Variants in AK8 observed in about 807,000 individuals in gnomAD.
AK8 encodes the protein ATP-AMP transphosphorylase 8.
AK8 carries 44 observed loss-of-function variants against 54.6 expected under a neutral mutation model. That is an observed-to-expected ratio of 0.81 (90% CI 0.63 to 1.04). The LOEUF is 1.04. AK8 is among the 50% of genes least tolerant of loss of function. The pLI, the probability that AK8 is intolerant of heterozygous loss-of-function variation, is 0.00. For missense variants in AK8, 555 were observed against 613.6 expected, an observed-to-expected ratio of 0.90 and a Z score of 1.01; for synonymous variants, 239 against 245.6, an observed-to-expected ratio of 0.97 and a Z score of 0.25.
intron 11 of AK8, among the ~76,000 whole-genome samples, chr9:132,758,930 G>A (rs1350982355): frequency 6.6e-6 from 1 of 152,034 alleles, no homozygotes; most frequent in East Asian, 1.9e-4. Flanking sequence ...GGGCATGACA[G>A]CGCATGCCTG....
intron 11 of AK8, among the ~76,000 whole-genome samples, chr9:132,754,074 C>T (rs1312315676): frequency 6.6e-6 from 1 of 152,176 alleles, no homozygotes; most frequent in African/African-American, 2.4e-5. Context: ...ACTTGGTTAA[C>T]AGCTGAGAAC....
intron 2 of AK8, chr9:132,874,362 A>G (rs1216720223): frequency 1.3e-5 from 2 of 152,280 alleles, no homozygotes; most frequent in Admixed American, 6.5e-5. Context: ...GAACCTCCAC[A>G]CAGGGCATCT....
chr9:132,748,358 C>T (rs1028953172), intron 11 of AK8, among the ~76,000 whole-genome samples: 7 of 150,250 alleles, frequency 4.7e-5, no homozygotes, highest in Non-Finnish European at 8.8e-5. Context: ...TAAGAGTGGG[C>T]AGAATGGGGA....
At chr9:132,727,558 A>G in intron 11 of AK8, 24 bp from the exon 12 acceptor site, 1 of 1,599,656 alleles carries the variant, frequency 6.3e-7, no homozygotes. Context: ...AACCATATTA[A>G]TAATGGTTTT....
At chr9:132,863,803 G>C (rs1304264253) in intron 3 of AK8, 25 bp from the exon 4 acceptor site, 1 of 1,538,536 alleles carries the variant, frequency 6.5e-7, no homozygotes, top group South Asian at 1.1e-5. Flanking sequence ...GAAGAAAAGG[G>C]CATTTTCATA....
intron 4 of AK8, among the ~76,000 whole-genome samples, chr9:132,863,127 G>A (rs980847223): frequency 1.3e-5 from 2 of 152,264 alleles, no homozygotes; most frequent in African/African-American, 2.4e-5. Flanking sequence ...GCTCCCCAGC[G>A]TGTGTGGGAG....
In AK8 at chr9:132,840,871, G is replaced by C. The variant is rs561864304; in HGVS notation, c.403-12145C>G. ...TCGCGCCAAAAAAAAAGTACACCAT[G>C]ATGTTGCTGGTAGATCATAAACCCA... On this transcript the variant is annotated intron_variant, in intron 5 of 12. Transcript: ENST00000298545. Among the ~76,000 whole-genome samples, 7 of 152,208 alleles carry C rather than the reference G, an allele frequency of 4.6e-5. No individual in the cohort carries two copies. In the East Asian group the frequency reaches 1.4e-3, roughly 29 times the overall value.
intron 6 of AK8, 60 bp downstream of exon 6, chr9:132,828,585 C>T (rs980912656): frequency 6.7e-7 from 1 of 1,499,666 alleles, no homozygotes. Context: ...GCGGGGCGCT[C>T]ACTGGCCACC....
Position 132,833,890 on chromosome 9 carries a change from T to C in AK8, c.403-5164A>G, listed in dbSNP as rs140577738. The stretch of plus-strand genomic sequence containing the variant: ...GCAACTTCACATGGGAAGGCTCTGT[T>C]GCCCTCTGGGCCTCTGCCTTTTTGA... On this transcript the variant is annotated intron_variant, in intron 5 of 12. Coordinates refer to ENST00000298545, the MANE Select transcript of AK8 (RefSeq NM_152572.3). Among the ~76,000 whole-genome samples, 475 of 152,386 alleles carry C rather than the reference T, an allele frequency of 3.1e-3. 3 individuals are homozygous for C. The highest frequency in any genetic ancestry group is 0.011 in the African/African-American group (463 of 41,594).
chr9:132,743,177 C>T (rs1055633878), intron 11 of AK8, among the ~76,000 whole-genome samples: 14 of 152,218 alleles, frequency 9.2e-5, no homozygotes, highest in South Asian at 6.2e-4. Context: ...GGAAGAGATT[C>T]GAGGCAGGAA....
chr9:132,824,504 C>T (rs965361283), intron 8 of AK8, among the ~76,000 whole-genome samples: 2 of 152,232 alleles, frequency 1.3e-5, no homozygotes, highest in Non-Finnish European at 2.9e-5. Context: ...CTACTGACAT[C>T]TGGGGCCAGA....
intron 11 of AK8, among the ~76,000 whole-genome samples, chr9:132,777,340 C>A (rs888799394): frequency 6.6e-6 from 1 of 152,086 alleles, no homozygotes; most frequent in Admixed American, 6.6e-5. Context: ...ACCTGATGCC[C>A]CAAATCCCAC....
intron 10 of AK8, among the ~76,000 whole-genome samples, chr9:132,800,990 T>A (rs1374717771): frequency 4.0e-5 from 6 of 149,760 alleles, no homozygotes; most frequent in African/African-American, 1.5e-4. Flanking sequence ...AGTGGCGCGA[T>A]TTCGGATCAC....
At chr9:132,753,820 G>A (rs912866952) in intron 11 of AK8, among the ~76,000 whole-genome samples, 2 of 152,186 alleles carry the variant, frequency 1.3e-5, no homozygotes, top group Non-Finnish European at 2.9e-5. Context: ...GGTGACAATG[G>A]GGACTGCAGG....
rs544070044 is a variant in AK8 at position 132,744,714 on chromosome 9, A to G, written c.1122-17180T>C. Among the ~76,000 whole-genome samples, 5 of 152,354 alleles carry G rather than the reference A, an allele frequency of 3.3e-5. No individual in the cohort carries two copies. The South Asian group carries it at 6.2e-4, about 19-fold the overall frequency. On this transcript the variant is annotated intron_variant, in intron 11 of 12. Coordinates refer to ENST00000298545, the MANE Select transcript of AK8 (RefSeq NM_152572.3). Reference sequence around the variant, plus strand: ...CCCCAGGAAACTGGGAAAATTCACAATCAAGTGTGTAAATGTTCTAAGAAA... The same window carrying G: ...CCCCAGGAAACTGGGAAAATTCACAGTCAAGTGTGTAAATGTTCTAAGAAA...
Position 132,823,296 on chromosome 9 carries a change from C to CGG in AK8, c.796_797dup (p.Phe267ArgfsTer38). The CGG allele has an allele frequency of 1.2e-6, 2 of 1,613,468 alleles. No homozygotes were observed. Among genetic ancestry groups the CGG allele is most frequent in the Non-Finnish European group, 1.7e-6 (2 of 1,179,698 alleles). ...CGAGCAGCAGCACCCTCGGGGTGAA[C>CGG]GGGGCATTAGTACGATGGTTGCTTT... On this transcript the variant is annotated frameshift_variant, in exon 9 of 13. Transcript: ENST00000298545. LOFTEE classifies it high-confidence loss of function.
chr9:132,736,784 C>CA (rs201150328), intron 11 of AK8, among the ~76,000 whole-genome samples: 22,610 of 65,714 alleles, frequency 0.34, 2,854 homozygotes, highest in East Asian at 0.52. Context: ...GAATCCATCT[C>CA]AAAAAAAAAA....
intron 4 of AK8, among the ~76,000 whole-genome samples, chr9:132,862,952 C>A (rs1445719443): frequency 6.6e-6 from 1 of 152,218 alleles, no homozygotes; most frequent in African/African-American, 2.4e-5. Flanking sequence ...GGACTACAGG[C>A]ACGTGCCACC....
In AK8 at chr9:132,800,919, C is replaced by CCTTTTTTTTTTTTTTT. The variant is rs1554793659; in HGVS notation, c.980-8145_980-8144insAAAAAAAAAAAAAAAG. ...CCAACAGTGAATATTTCAGTTTGTC[C>CCTTTTTTTTTTTTTTT]TTTTTTTTTTTTTTTTTTTTGAGAC... On this transcript the variant is annotated intron_variant, in intron 10 of 12. Coordinates refer to ENST00000298545, the MANE Select transcript of AK8 (RefSeq NM_152572.3). Among the ~76,000 whole-genome samples, 2 of 123,814 alleles carry CCTTTTTTTTTTTTTTT rather than the reference C, an allele frequency of 1.6e-5. 1 individual carries two copies. The highest frequency in any genetic ancestry group is 3.3e-5 in the Non-Finnish European group (2 of 60,282). 81.2% of individuals were successfully genotyped at this position (123,814 alleles called of 152,430 possible). A position where few individuals can be genotyped will look rare whatever the true frequency, so the allele number is the denominator to read the frequency against.
Sources: gnomAD v4.1 joint callset for allele counts (sites outside exome capture counted in the v4.1 genomes callset) on GRCh38, gnomAD v4.1.1 for gene constraint, MANE v1.5 for transcripts, NCBI Gene and HGNC (gene_info 2026-07-23, HGNC 2026-07-21) for gene names.